SCAPER: variants seen among roughly 807,000 people sequenced by gnomAD.
SCAPER encodes S-phase cyclin A associated protein in the ER.
In SCAPER, 98 loss-of-function variants were observed where a neutral mutation model predicts 182.2. That is an observed-to-expected ratio of 0.54 (90% CI 0.46 to 0.64). SCAPER has a LOEUF of 0.64. Among genes scored for constraint, SCAPER ranks in the 30% least tolerant of loss-of-function variants. The pLI is 0.00. For synonymous variants in SCAPER, 605 were observed against 564.6 expected (o/e 1.07, Z -1.01); for missense variants, 1,432 against 1,690.0 (o/e 0.85, Z 2.68).
At chr15:76,561,708 C>G (rs1024139831) in intron 23 of SCAPER, among the ~76,000 whole-genome samples, 2 of 150,708 alleles carry the variant, frequency 1.3e-5, no homozygotes, top group African/African-American at 2.5e-5. Context: ...AATGAAGTCT[C>G]TACCTCACTT....
At chr15:76,511,099 G>T (rs2041994034) in intron 23 of SCAPER, among the ~76,000 whole-genome samples, 1 of 151,896 alleles carries the variant, frequency 6.6e-6, no homozygotes, top group Non-Finnish European at 1.5e-5. Context: ...GGGGACTCAG[G>T]GGGAAAGGGT....
chr15:76,830,079 T>A (rs2068324969), intron 5 of SCAPER, among the ~76,000 whole-genome samples: 1 of 151,698 alleles, frequency 6.6e-6, no homozygotes, highest in Non-Finnish European at 1.5e-5. Context: ...GTAAAAGAAA[T>A]GAGTAAGAAG....
chr15:76,710,112 A>G (rs754992905), intron 17 of SCAPER, among the ~76,000 whole-genome samples: 5 of 152,198 alleles, frequency 3.3e-5, no homozygotes, highest in Non-Finnish European at 5.9e-5. Context: ...AAACAAGGAC[A>G]CCCAACATCA....
intron 1 of SCAPER, among the ~76,000 whole-genome samples, chr15:76,884,167 T>C (rs1226617515): frequency 1.3e-5 from 2 of 152,184 alleles, no homozygotes; most frequent in African/African-American, 2.4e-5. Context: ...CATAAACACA[T>C]ACATGTTTTA....
chr15:76,684,741 A>G (rs1248744405), intron 20 of SCAPER, among the ~76,000 whole-genome samples: 1 of 151,882 alleles, frequency 6.6e-6, no homozygotes, highest in African/African-American at 2.4e-5. Flanking sequence ...ATTTAAATAC[A>G]TTAGTAATTA....
At chr15:76,856,163 C>T (rs1344756395) in intron 4 of SCAPER, among the ~76,000 whole-genome samples, 3 of 152,084 alleles carry the variant, frequency 2.0e-5, no homozygotes, top group Non-Finnish European at 4.4e-5. Flanking sequence ...AGCAAACTAT[C>T]GCAGAAACAG....
chr15:76,431,597 G>C (rs972748278), intron 26 of SCAPER, among the ~76,000 whole-genome samples: 1 of 141,506 alleles, frequency 7.1e-6, no homozygotes, highest in Non-Finnish European at 1.5e-5. Context: ...AAAATGCCCA[G>C]ATTGTAACAG....
At chr15:76,722,663 T>C (rs1397054838) in intron 17 of SCAPER, among the ~76,000 whole-genome samples, 1 of 152,214 alleles carries the variant, frequency 6.6e-6, no homozygotes, top group African/African-American at 2.4e-5. Context: ...TGGGAGGGTG[T>C]ATGTGTCAAG....
At chr15:76,649,231 G>A (rs2054809372) in intron 21 of SCAPER, among the ~76,000 whole-genome samples, 2 of 152,112 alleles carry the variant, frequency 1.3e-5, no homozygotes, top group Non-Finnish European at 2.9e-5. Context: ...ATTTACCCTA[G>A]ACAATGACGT....
chr15:76,862,714 G>A (rs1238166835), intron 2 of SCAPER, among the ~76,000 whole-genome samples, 181 bp from the exon 3 acceptor site: 1 of 152,110 alleles, frequency 6.6e-6, no homozygotes, highest in Non-Finnish European at 1.5e-5. Context: ...AAAACACTGA[G>A]TTTTGTAACT....
chr15:76,898,214 G>A (rs1008005337), intron 1 of SCAPER, among the ~76,000 whole-genome samples: 17 of 152,078 alleles, frequency 1.1e-4, no homozygotes, highest in African/African-American at 3.6e-4. Flanking sequence ...ACATAACTTC[G>A]TACCCACCAA....
At chr15:76,634,806 T>G (rs1022667978) in intron 21 of SCAPER, among the ~76,000 whole-genome samples, 2 of 152,140 alleles carry the variant, frequency 1.3e-5, no homozygotes, top group Admixed American at 6.5e-5. Context: ...TTCTTGAAAC[T>G]TTGCCAAATT....
intron 17 of SCAPER, among the ~76,000 whole-genome samples, chr15:76,713,427 C>T (rs1007306491): frequency 3.3e-5 from 5 of 151,782 alleles, no homozygotes; most frequent in Admixed American, 3.3e-4. Context: ...GGCACATATA[C>T]ACCATGGAAT....
At chr15:76,449,806 T>C (rs1003919120) in intron 25 of SCAPER, among the ~76,000 whole-genome samples, 7 of 152,310 alleles carry the variant, frequency 4.6e-5, no homozygotes, top group Admixed American at 1.3e-4. Context: ...TCTCCAACTT[T>C]CCTTTTAAAG....
At chr15:76,883,765 A>G in intron 2 of SCAPER, 47 bp downstream of exon 2, 1 of 1,430,124 alleles carries the variant, frequency 7.0e-7, no homozygotes, top group Non-Finnish European at 9.4e-7. Flanking sequence ...AAAGGAAGAA[A>G]AGAGAAAGGC....
intron 20 of SCAPER, among the ~76,000 whole-genome samples, chr15:76,694,806 T>C (rs1219613850): frequency 2.6e-5 from 4 of 152,156 alleles, no homozygotes; most frequent in Non-Finnish European, 5.9e-5. Context: ...CAAATTTAAC[T>C]ATGTACTTTT....
At chr15:76,389,769 A>C (rs896918739) in intron 27 of SCAPER, among the ~76,000 whole-genome samples, 1 of 141,646 alleles carries the variant, frequency 7.1e-6, no homozygotes, top group African/African-American at 2.6e-5. Flanking sequence ...AGGAGTGGAG[A>C]TGCGCCACTG....
intron 21 of SCAPER, among the ~76,000 whole-genome samples, chr15:76,625,681 C>T (rs1331305745): frequency 6.6e-6 from 1 of 152,110 alleles, no homozygotes; most frequent in African/African-American, 2.4e-5. Flanking sequence ...AGCATGGACT[C>T]CCTCTCTGGA....
intron 21 of SCAPER, among the ~76,000 whole-genome samples, chr15:76,641,213 G>T (rs1197696454): frequency 6.6e-6 from 1 of 152,144 alleles, no homozygotes; most frequent in East Asian, 1.9e-4. Context: ...ATAGGTTATG[G>T]AAAGACTGTG....
Sources: gnomAD v4.1 joint callset for allele counts (sites outside exome capture counted in the v4.1 genomes callset) on GRCh38, gnomAD v4.1.1 for gene constraint, MANE v1.5 for transcripts, NCBI Gene and HGNC (gene_info 2026-07-23, HGNC 2026-07-21) for gene names.